Variants in SMARCA2 observed in about 807,000 individuals in gnomAD.
SMARCA2 encodes SWI/SNF-related matrix-associated actin-dependent regulator of chromatin subfamily A member 2.
In SMARCA2, 61 loss-of-function variants were observed where a neutral mutation model predicts 199.8. That is an observed-to-expected ratio of 0.31 (90% CI 0.25 to 0.38). The LOEUF (loss-of-function observed/expected upper bound fraction) is 0.38, where lower values mean the gene tolerates loss of function less well. Among genes scored for constraint, SMARCA2 ranks in the 10% least tolerant of loss-of-function variants. SMARCA2 has a pLI of 1.00. For synonymous variants in SMARCA2, 935 were observed against 732.0 expected, an observed-to-expected ratio of 1.28 and a Z score of -4.48; for missense variants, 1,344 against 2,012.2, an observed-to-expected ratio of 0.67 and a Z score of 6.35.
chr9:2,181,756 G>T, intron 30 of SMARCA2, 80 bp downstream of exon 30: 1 of 799,292 alleles, frequency 1.3e-6, no homozygotes. Context: ...TGTAGTTGGA[G>T]CTGACCGCCA....
chr9:2,191,450 C>A, intron 33 of SMARCA2, 42 bp downstream of exon 33: 6 of 1,606,840 alleles, frequency 3.7e-6, no homozygotes, highest in Non-Finnish European at 5.1e-6. Flanking sequence ...GACGCCCTCT[C>A]CCCTGCTTGC....
Position 2,115,914 on chromosome 9 carries a change from G to C in SMARCA2, c.3549G>C (p.Lys1183Asn). ...RLCTVNSVEE[K>N]ILAAAKYKLN... ...GTACCGTGAACAGCGTGGAGGAAAA[G>C]ATCCTCGCGGCCGCAAAATACAAGC... Residue 1183 changes from lysine to asparagine, a missense_variant, in exon 25 of 34, where the codon AAG becomes AAC. By Grantham distance (94) the Lys-to-Asn change is moderately conservative. Transcript: ENST00000349721. This position sits in a 1 kb window ranked among gnomAD's most constrained non-coding sequence, Gnocchi z 6.0. 6.2e-7 allele frequency: 1 copy of C among 1,614,126 alleles called. No individual in the cohort carries two copies. The highest frequency in any genetic ancestry group is 8.5e-7 in the Non-Finnish European group (1 of 1,180,026).
intron 28 of SMARCA2, among the ~76,000 whole-genome samples, chr9:2,165,723 T>G (rs1194407795): frequency 6.6e-6 from 1 of 152,224 alleles, no homozygotes; most frequent in Non-Finnish European, 1.5e-5. Flanking sequence ...TTTGTACCCT[T>G]GAAAATTGCC....
chr9:2,072,587 C>G (rs1000558171), intron 10 of SMARCA2, among the ~76,000 whole-genome samples: 1 of 152,174 alleles, frequency 6.6e-6, no homozygotes, highest in Non-Finnish European at 1.5e-5. Flanking sequence ...AGTTATAATA[C>G]CTTTTCTGTT....
chr9:2,090,999 C>A, intron 19 of SMARCA2, among the ~76,000 whole-genome samples: 1 of 152,164 alleles, frequency 6.6e-6, no homozygotes, highest in Middle Eastern at 3.4e-3. Flanking sequence ...AAAGGAACTA[C>A]GGCAGATGGA....
intron 9 of SMARCA2, 39 bp from the exon 10 acceptor site, chr9:2,070,379 T>C: frequency 1.9e-6 from 3 of 1,581,100 alleles, no homozygotes; most frequent in Non-Finnish European, 2.6e-6. Flanking sequence ...TACCCCATCA[T>C]CTTGGTTACT....
In SMARCA2 at chr9:2,039,329, A is replaced by G. The variant is rs931683881; in HGVS notation, c.356-137A>G. 3.9e-6 allele frequency: 3 copies of G among 766,678 alleles called. No homozygotes were observed. The highest frequency in any genetic ancestry group is 3.9e-4 in the Middle Eastern group (1 of 2,578). The allele number at this position is 766,678 out of a possible 1,614,324, so 47.5% of individuals were successfully genotyped here. A position where few individuals can be genotyped will look rare whatever the true frequency, so the allele number is the denominator to read the frequency against. On this transcript the variant is annotated intron_variant, in intron 3 of 33. Transcript: ENST00000349721. This position sits in a 1 kb window ranked among gnomAD's most constrained non-coding sequence, Gnocchi z 4.8. ...TTGATATGTAAAGATCTTAAACTCC[A>G]TATAATTAATAAATGATATGTCATT...
At chr9:2,158,780 G>A in intron 27 of SMARCA2, 1 of 489,076 alleles carries the variant, frequency 2.0e-6, no homozygotes, top group Non-Finnish European at 3.5e-6. Flanking sequence ...TTACATGCAG[G>A]AGTAATCTTA....
rs1346139827 is a variant in SMARCA2, at chr9:2,033,100, C to A, written c.355+19C>A. On this transcript the variant is annotated intron_variant, in intron 3 of 33. Transcript: ENST00000349721. ...AGCCAAGGTTTGTGTCCGCTGCACA[C>A]CTGATACTGGTTCCCCAGCATAGTC... 6.2e-7 allele frequency: 1 copy of A among 1,609,432 alleles called. No homozygotes were observed. Among genetic ancestry groups the A allele is most frequent in the Non-Finnish European group, 8.5e-7 (1 of 1,178,436 alleles).
At chr9:2,015,787 G>A (rs1818328491) in intron 1 of SMARCA2, among the ~76,000 whole-genome samples, 1 of 152,218 alleles carries the variant, frequency 6.6e-6, no homozygotes, top group South Asian at 2.1e-4. Flanking sequence ...GCAGTCAGAG[G>A]CGCTGCCAAC....
intron 22 of SMARCA2, among the ~76,000 whole-genome samples, chr9:2,101,981 A>G (rs1822536824): frequency 6.6e-6 from 1 of 152,226 alleles, no homozygotes; most frequent in Non-Finnish European, 1.5e-5. Flanking sequence ...ATTAATGTAC[A>G]TGAGAAGAAA....
intron 29 of SMARCA2, among the ~76,000 whole-genome samples, chr9:2,174,924 C>CAAAAAAAAAAAAAAA (rs61327057): frequency 3.2e-5 from 2 of 62,302 alleles, no homozygotes; most frequent in African/African-American, 7.2e-5. Flanking sequence ...GACCCTCTCT[C>CAAAAAAAAAAAAAAA]AAAAAAAAAA....
Position 2,138,485 on chromosome 9 carries a change from C to G in SMARCA2, c.3981+14548C>G, listed in dbSNP as rs576865223. The stretch of plus-strand genomic sequence containing the variant: ...CATATCATGCTGTTTTGAAGAATAT[C>G]TTTCCCTTGGACCTTTGTAGAACCT... On this transcript the variant is annotated intron_variant, in intron 27 of 33. Coordinates refer to ENST00000349721, the MANE Select transcript of SMARCA2 (RefSeq NM_003070.5). 3.3e-5 allele frequency among the ~76,000 whole-genome samples: 5 copies of G among 152,276 alleles called. No homozygotes were observed. The East Asian group carries it at 9.7e-4, about 29-fold the overall frequency.
intron 7 of SMARCA2, 161 bp from the exon 8 acceptor site, chr9:2,058,130 C>G (rs1299642570): frequency 1.7e-5 from 11 of 655,508 alleles, no homozygotes; most frequent in Non-Finnish European, 2.7e-5. Flanking sequence ...ATGGCCCACA[C>G]CTTAACTGCA....
At chr9:2,096,848 C>A in intron 20 of SMARCA2, 84 bp downstream of exon 20, 1 of 831,910 alleles carries the variant, frequency 1.2e-6, no homozygotes, top group South Asian at 1.4e-5. Flanking sequence ...AGGAAGCATC[C>A]CTGCTAATGC....
chr9:2,175,046 G>A (rs1346508382), intron 29 of SMARCA2, among the ~76,000 whole-genome samples: 5 of 151,828 alleles, frequency 3.3e-5, no homozygotes, highest in South Asian at 4.2e-4. Context: ...GACGCTTTGA[G>A]TCATGAGCGC....
chr9:2,124,926 G>C (rs1031274662), intron 27 of SMARCA2, among the ~76,000 whole-genome samples: 2 of 152,188 alleles, frequency 1.3e-5, no homozygotes, highest in South Asian at 2.1e-4. Flanking sequence ...GCTGGAAATA[G>C]TAAGTGTAGT....
chr9:2,111,461 C>T (rs557142522), intron 24 of SMARCA2, among the ~76,000 whole-genome samples: 1 of 145,056 alleles, frequency 6.9e-6, no homozygotes, highest in East Asian at 2.0e-4. Flanking sequence ...CACCGCTCTC[C>T]AGCCCGGGCG....
chr9:2,113,245 G>T (rs929374341), intron 24 of SMARCA2, among the ~76,000 whole-genome samples: 1 of 150,882 alleles, frequency 6.6e-6, no homozygotes, highest in Non-Finnish European at 1.5e-5. Flanking sequence ...GATAGAACTC[G>T]TGATTGTGGA....
Sources: gnomAD v4.1 joint callset for allele counts (sites outside exome capture counted in the v4.1 genomes callset) on GRCh38, gnomAD v4.1.1 for gene constraint, Gnocchi (gnomAD v3.1) non-coding constraint, MANE v1.5 for transcripts, NCBI Gene and HGNC (gene_info 2026-07-23, HGNC 2026-07-21) for gene names.